The following WDR59 variants were observed in gnomAD, a reference collection of about 807,000 sequenced individuals.
The protein encoded by WDR59 is WD repeat domain 59.
A neutral mutation model predicts 131.2 loss-of-function variants in WDR59; 100 were observed. The observed-to-expected ratio is 0.76, with a 90% CI of 0.65 to 0.90. The LOEUF is 0.90. Ranked by LOEUF, WDR59 falls within the 40% of genes least tolerant of loss-of-function variation. The probability of loss-of-function intolerance (pLI) is 0.00; values close to 1 mark genes in which losing one functional copy is unlikely to be tolerated. For synonymous variants in WDR59, 601 were observed against 466.2 expected, an observed-to-expected ratio of 1.29 and a Z score of -3.72; for missense variants, 1,203 against 1,262.2, an observed-to-expected ratio of 0.95 and a Z score of 0.71.
intron 9 of WDR59, 96 bp downstream of exon 9, chr16:74,923,830 C>T (rs2030500386): frequency 9.1e-7 from 1 of 1,103,892 alleles, no homozygotes; most frequent in Non-Finnish European, 1.3e-6. Context: ...GAGAAAATCA[C>T]CTCACAAAGA....
chr16:74,875,162 T>C (rs2144741752), intron 25 of WDR59, among the ~76,000 whole-genome samples: 1 of 152,326 alleles, frequency 6.6e-6, no homozygotes, highest in Non-Finnish European at 1.5e-5. Context: ...TACTGCCCAC[T>C]CGCCACTGGC....
At chr16:74,953,514 GA>G (rs1164181387) in intron 3 of WDR59, among the ~76,000 whole-genome samples, 27 of 145,948 alleles carry the variant, frequency 1.8e-4, no homozygotes, top group African/African-American at 6.0e-4. Context: ...AAGAACAAAA[GA>G]AAAAAACAGA....
At chr16:74,965,664 C>G in intron 2 of WDR59, 109 bp downstream of exon 2, 1 of 1,350,814 alleles carries the variant, frequency 7.4e-7, no homozygotes, top group Non-Finnish European at 1.1e-6. Context: ...AGAACTAAAC[C>G]CTATGATCAT....
At position 74,885,637 on chromosome 16, in the gene WDR59, A is replaced by T. The variant is rs576313871; in HGVS notation, c.2689+16T>A. 6.2e-7 allele frequency: 1 copy of T among 1,612,794 alleles called. No homozygotes were observed. The highest frequency in any genetic ancestry group is 1.1e-5 in the South Asian group (1 of 90,814). On this transcript the variant is annotated intron_variant, in intron 25 of 25. Coordinates refer to ENST00000262144, the MANE Select transcript of WDR59 (RefSeq NM_030581.4). Reference sequence around the variant, plus strand: ...CTTTCAGACAGTGAAAGGAAGAGAGAGAAATTCATACTCACCGATCCCTTT... The same window carrying T: ...CTTTCAGACAGTGAAAGGAAGAGAGTGAAATTCATACTCACCGATCCCTTT...
At chr16:74,965,142 T>C (rs1254900291) in intron 2 of WDR59, among the ~76,000 whole-genome samples, 1 of 152,120 alleles carries the variant, frequency 6.6e-6, no homozygotes, top group Admixed American at 6.6e-5. Context: ...TTGGCTCACG[T>C]GGTCCTCCTG....
chr16:74,935,576 TTA>T (rs1202735050), intron 8 of WDR59, among the ~76,000 whole-genome samples: 4 of 151,940 alleles, frequency 2.6e-5, no homozygotes, highest in African/African-American at 9.7e-5. Flanking sequence ...TTAATATAAA[TTA>T]TGAGCTAATA....
Position 74,886,321 on chromosome 16 carries a change from G to C in WDR59, c.2495C>G (p.Thr832Ser). The change falls in exon 24 of 26, where the codon ACC (threonine) becomes AGC (serine). Residue 832 changes from threonine (T) to serine (S), a missense_variant. Coordinates refer to ENST00000262144, the MANE Select transcript of WDR59 (RefSeq NM_030581.4). Reference sequence around the variant, plus strand: ...TTCTCGCTCACGGGGATCACTGTAGGTCAGACTCCCAAAGCGGAGCTCTTC... The same window carrying C: ...TTCTCGCTCACGGGGATCACTGTAGCTCAGACTCCCAAAGCGGAGCTCTTC... Reference protein sequence around the residue: ...SPEELRFGSLTYSDPRERERD... With the variant: ...SPEELRFGSLSYSDPRERERD... 1 of 1,614,044 alleles carries C rather than the reference G, an allele frequency of 6.2e-7. No individual in the cohort carries two copies. The highest frequency in any genetic ancestry group is 8.5e-7 in the Non-Finnish European group (1 of 1,180,014).
intron 25 of WDR59, among the ~76,000 whole-genome samples, chr16:74,880,339 C>T (rs1322965497): frequency 1.3e-5 from 2 of 152,046 alleles, no homozygotes; most frequent in African/African-American, 2.4e-5. Flanking sequence ...CCCAGTTACT[C>T]GGGAGGCTGA....
At chr16:74,943,647 T>A in intron 6 of WDR59, among the ~76,000 whole-genome samples, 1 of 152,156 alleles carries the variant, frequency 6.6e-6, no homozygotes, top group East Asian at 1.9e-4. Flanking sequence ...CAGCACTCCT[T>A]CCTGTCTCCT....
chr16:74,947,025 T>C (rs771153889), intron 6 of WDR59, among the ~76,000 whole-genome samples: 1 of 152,238 alleles, frequency 6.6e-6, no homozygotes, highest in Non-Finnish European at 1.5e-5. Flanking sequence ...TTCCACATTC[T>C]ACTCTCAGGA....
At chr16:74,893,157 T>C (rs1965123494) in intron 19 of WDR59, among the ~76,000 whole-genome samples, 2 of 152,170 alleles carry the variant, frequency 1.3e-5, no homozygotes, top group South Asian at 2.1e-4. Flanking sequence ...CCAGTGAATA[T>C]TGATGGGATA....
At chr16:74,981,631 T>TACACAC (rs545176557) in intron 1 of WDR59, among the ~76,000 whole-genome samples, 1 of 5,802 alleles carries the variant, frequency 1.7e-4, no homozygotes, top group Non-Finnish European at 4.0e-4. Flanking sequence ...TATATATATA[T>TACACAC]ATATATATAT....
intron 25 of WDR59, among the ~76,000 whole-genome samples, chr16:74,881,384 G>T (rs1964474867): frequency 6.6e-6 from 1 of 151,072 alleles, no homozygotes; most frequent in South Asian, 2.1e-4. Flanking sequence ...TTTAGAGACA[G>T]TTTCTCCATG....
rs201038548 is a variant in WDR59, at chr16:74,932,404, A to G, written c.651+5746T>C. 1.0e-4 allele frequency among the ~76,000 whole-genome samples: 15 copies of G among 150,124 alleles called. No individual in the cohort carries two copies. The East Asian group carries it at 2.8e-3, about 28-fold the overall frequency. ...CATACCCAGCCAAGAGTATCTTTTG[A>G]AAATTGAGTCATGAAACATAATTTT... On this transcript the variant is annotated intron_variant, in intron 8 of 25. Coordinates refer to ENST00000262144, the MANE Select transcript of WDR59 (RefSeq NM_030581.4).
intron 9 of WDR59, among the ~76,000 whole-genome samples, chr16:74,922,614 AC>A (rs1402082137): frequency 6.6e-6 from 1 of 152,190 alleles, no homozygotes; most frequent in African/African-American, 2.4e-5. Flanking sequence ...TCGCTTCAGG[AC>A]TGACATGTTT....
rs116377005 is a variant in WDR59 at position 74,958,711 on chromosome 16, G to C, written c.105-2101C>G. On this transcript the variant is annotated intron_variant, in intron 2 of 25. Coordinates refer to ENST00000262144, the MANE Select transcript of WDR59 (RefSeq NM_030581.4). ...CTGGAGGCTTTTGTCTCAAGACAAG[G>C]GCAAGGGGTAGGGCTAGAAGACAAC... is the stretch of plus-strand genomic sequence containing the variant. Among the ~76,000 whole-genome samples, 310 of 151,508 alleles carry C rather than the reference G, an allele frequency of 2.0e-3. 1 individual carries two copies. Among genetic ancestry groups the C allele is most frequent in the African/African-American group, 6.9e-3 (287 of 41,312 alleles).
chr16:74,901,754 T>C (rs1326432135), intron 18 of WDR59, among the ~76,000 whole-genome samples: 1 of 152,010 alleles, frequency 6.6e-6, no homozygotes, highest in African/African-American at 2.4e-5. Flanking sequence ...TCATTTGACA[T>C]GTGAAACTAG....
chr16:74,886,456 A>C, intron 23 of WDR59, 60 bp from the exon 24 acceptor site: 1 of 1,593,562 alleles, frequency 6.3e-7, no homozygotes. Context: ...AAAATATCTG[A>C]AGAGTCTCAT....
intron 8 of WDR59, among the ~76,000 whole-genome samples, chr16:74,937,630 T>G (rs185922237): frequency 1.7e-4 from 26 of 152,162 alleles, no homozygotes; most frequent in African/African-American, 6.0e-4. Flanking sequence ...GCCTCCCAAG[T>G]AGATGGAATT....
Sources: gnomAD v4.1 joint callset for allele counts (sites outside exome capture counted in the v4.1 genomes callset) on GRCh38, gnomAD v4.1.1 for gene constraint, MANE v1.5 for transcripts, NCBI Gene and HGNC (gene_info 2026-07-23, HGNC 2026-07-21) for gene names.